Variants in FOXN2 observed in about 807,000 individuals in gnomAD.
FOXN2 encodes the protein forkhead box N2, also known as forkhead box protein N2.
FOXN2 carries 19 observed loss-of-function variants against 41.2 expected under a neutral mutation model. The ratio of observed to expected loss-of-function variants is 0.46; its 90% confidence interval spans 0.32 to 0.68. The LOEUF is 0.68. FOXN2 is among the 30% of genes least tolerant of loss of function. The pLI, the probability that FOXN2 is intolerant of heterozygous loss-of-function variation, is 0.03. For missense variants in FOXN2, 587 were observed against 509.4 expected (o/e 1.15, Z -1.47); for synonymous variants, 195 against 176.8 (o/e 1.10, Z -0.82).
At chr2:48,333,303 A>G (rs908225395) in intron 2 of FOXN2, among the ~76,000 whole-genome samples, 4 of 152,134 alleles carry the variant, frequency 2.6e-5, no homozygotes, top group African/African-American at 9.7e-5. Context: ...CTAGATGCAG[A>G]GATACTATAA....
chr2:48,323,065 A>AGTAG (rs1669439762), intron 1 of FOXN2, among the ~76,000 whole-genome samples: 1 of 152,062 alleles, frequency 6.6e-6, no homozygotes, highest in Non-Finnish European at 1.5e-5. Context: ...GAGAACACAG[A>AGTAG]GTAGGAGCTT....
chr2:48,317,607 T>TTTC (rs1200534249), intron 1 of FOXN2, among the ~76,000 whole-genome samples: 1 of 105,800 alleles, frequency 9.5e-6, no homozygotes, highest in African/African-American at 4.2e-5. Context: ...TTTTTTTTTT[T>TTTC]TTTTTTTTTT....
At chr2:48,357,770 C>G (rs1244547578) in intron 3 of FOXN2, among the ~76,000 whole-genome samples, 2 of 147,938 alleles carry the variant, frequency 1.4e-5, no homozygotes, top group Non-Finnish European at 3.0e-5. Flanking sequence ...CATCAAAACA[C>G]ATTTATCATT....
At chr2:48,340,854 C>T (rs948857248) in intron 2 of FOXN2, 7 of 152,116 alleles carry the variant, frequency 4.6e-5, no homozygotes, top group South Asian at 2.1e-4. Flanking sequence ...AAATTCTCCT[C>T]GTGAATAATT....
chr2:48,359,241 TTTA>T, intron 4 of FOXN2, 94 bp downstream of exon 4: 1 of 857,104 alleles, frequency 1.2e-6, no homozygotes. Flanking sequence ...ATGTTTCTGT[TTTA>T]TTGTATAAAG....
chr2:48,321,033 C>T (rs978323621), intron 1 of FOXN2, among the ~76,000 whole-genome samples: 1 of 151,942 alleles, frequency 6.6e-6, no homozygotes, highest in African/African-American at 2.4e-5. Flanking sequence ...TGCCCCAAAG[C>T]AATGAAGATA....
chr2:48,341,888 T>C (rs1670797170), intron 2 of FOXN2, among the ~76,000 whole-genome samples: 1 of 152,244 alleles, frequency 6.6e-6, no homozygotes, highest in African/African-American at 2.4e-5. Flanking sequence ...AATGGGCTAA[T>C]TCGTGTTATG....
intron 5 of FOXN2, among the ~76,000 whole-genome samples, chr2:48,372,533 C>A (rs1672967463): frequency 6.6e-6 from 1 of 151,734 alleles, no homozygotes; most frequent in African/African-American, 2.4e-5. Flanking sequence ...TAGATTATAC[C>A]ATTTTACTTT....
chr2:48,343,460 TA>T (rs1204602579), intron 2 of FOXN2, among the ~76,000 whole-genome samples: 1 of 152,242 alleles, frequency 6.6e-6, no homozygotes, highest in South Asian at 2.1e-4. Flanking sequence ...AATGCAAAAG[TA>T]AAAAACTCTT....
chr2:48,340,242 T>C (rs1268050813), intron 2 of FOXN2, among the ~76,000 whole-genome samples: 3 of 152,200 alleles, frequency 2.0e-5, no homozygotes, highest in Non-Finnish European at 4.4e-5. Flanking sequence ...TAATTCTCTG[T>C]AATGCAGCAT....
rs143732421 is a variant in FOXN2, at chr2:48,359,082, G to A, written c.573G>A (p.Pro191=). 1.9e-4 allele frequency: 307 copies of A among 1,613,232 alleles called. 2 individuals carry two copies. Among genetic ancestry groups the A allele is most frequent in the South Asian group, 7.4e-4 (67 of 91,034 alleles). The change falls in exon 4 of 7, where the codon CCG becomes CCA. Residue 191 remains proline, a synonymous_variant. Coordinates refer to ENST00000340553, the MANE Select transcript of FOXN2 (RefSeq NM_002158.4). ...AAGGTTCCTTATGGTGTGTTGATCC[G>A]GAATATAAACCCAATCTTATCCAGG... ...NGKGSLWCVD[P]EYKPNLIQAL...
At chr2:48,341,993 G>A (rs1670806012) in intron 2 of FOXN2, among the ~76,000 whole-genome samples, 1 of 152,164 alleles carries the variant, frequency 6.6e-6, no homozygotes. Context: ...ACCTTTTTAA[G>A]ATTTGATTTT....
chr2:48,329,182 T>A (rs1669871554), intron 2 of FOXN2, among the ~76,000 whole-genome samples: 1 of 152,192 alleles, frequency 6.6e-6, no homozygotes. Flanking sequence ...ACTACACTTT[T>A]ATTTTTGAGA....
At chr2:48,329,645 T>C (rs2104206878) in intron 2 of FOXN2, among the ~76,000 whole-genome samples, 1 of 152,324 alleles carries the variant, frequency 6.6e-6, no homozygotes, top group East Asian at 1.9e-4. Flanking sequence ...TTCTCCTGGA[T>C]ACATGACATC....
At chr2:48,369,183 C>T (rs1672724120) in intron 5 of FOXN2, among the ~76,000 whole-genome samples, 1 of 152,170 alleles carries the variant, frequency 6.6e-6, no homozygotes, top group Non-Finnish European at 1.5e-5. Context: ...AAGCCTCTTA[C>T]CAGTTTTAGG....
At chr2:48,322,272 A>C (rs969226294) in intron 1 of FOXN2, among the ~76,000 whole-genome samples, 2 of 152,094 alleles carry the variant, frequency 1.3e-5, no homozygotes, top group Non-Finnish European at 2.9e-5. Flanking sequence ...AATTAATAGC[A>C]GCAGTTTATT....
intron 2 of FOXN2, among the ~76,000 whole-genome samples, chr2:48,340,312 T>G (rs1020483561): frequency 6.6e-6 from 1 of 152,226 alleles, no homozygotes; most frequent in African/African-American, 2.4e-5. Flanking sequence ...TTATGTAGTC[T>G]CTGAAGCATT....
chr2:48,324,063 C>T (rs1001796194), intron 1 of FOXN2, among the ~76,000 whole-genome samples: 2 of 152,086 alleles, frequency 1.3e-5, no homozygotes, highest in African/African-American at 2.4e-5. Flanking sequence ...TTTTGCTATA[C>T]TATTGTCATA....
chr2:48,336,818 T>A lies in FOXN2; in HGVS notation c.-15+8116T>A, dbSNP rs192428798. ...AACATACACCTGGCAATTTTTTTTT[T>A]AATTTTAGTGTGTACATAGTAGGTG... is the stretch of plus-strand genomic sequence containing the variant. On this transcript the variant is annotated intron_variant, in intron 2 of 6. Transcript: ENST00000340553. 1.4e-3 allele frequency among the ~76,000 whole-genome samples: 214 copies of A among 152,146 alleles called. 2 individuals carry two copies. The highest frequency in any genetic ancestry group is 1.5e-3 in the Non-Finnish European group (105 of 67,980).
Sources: gnomAD v4.1 joint callset for allele counts (sites outside exome capture counted in the v4.1 genomes callset) on GRCh38, gnomAD v4.1.1 for gene constraint, MANE v1.5 for transcripts, NCBI Gene and HGNC (gene_info 2026-07-23, HGNC 2026-07-21) for gene names.